The following PCDHGB5 variants were observed in gnomAD, a reference collection of about 807,000 sequenced individuals.
The protein encoded by PCDHGB5 is protocadherin gamma subfamily B, 5, also known as protocadherin gamma-B5.
Under a neutral mutation model 62.9 loss-of-function variants are expected in PCDHGB5, and 48 were observed. That is an observed-to-expected ratio of 0.76 (90% CI 0.61 to 0.97). The LOEUF is 0.97. Among genes scored for constraint, PCDHGB5 ranks in the 50% least tolerant of loss-of-function variants. The pLI is 0.00. For missense variants in PCDHGB5, 1,118 were observed against 1,198.6 expected, an observed-to-expected ratio of 0.93 and a Z score of 0.99; for synonymous variants, 474 against 511.2, an observed-to-expected ratio of 0.93 and a Z score of 0.98.
intron 1 of PCDHGB5, chr5:141,421,662 G>C: frequency 5.6e-6 from 9 of 1,613,844 alleles, no homozygotes; most frequent in Non-Finnish European, 7.6e-6. Context: ...AAGTCAGTGA[G>C]CACGCAATTC....
At chr5:141,446,508 G>A (rs932199756) in intron 1 of PCDHGB5, among the ~76,000 whole-genome samples, 4 of 151,356 alleles carry the variant, frequency 2.6e-5, no homozygotes, top group Non-Finnish European at 5.9e-5. Flanking sequence ...ATGGAGTCTC[G>A]CTCTGTCACC....
intron 1 of PCDHGB5, chr5:141,427,241 T>C (rs1381559575): frequency 4.4e-6 from 2 of 456,696 alleles, no homozygotes; most frequent in Admixed American, 2.3e-5. Flanking sequence ...GAGTAGAAGC[T>C]AAGGATGGTG....
chr5:141,435,906 A>C (rs1246100275), intron 1 of PCDHGB5, among the ~76,000 whole-genome samples: 1 of 152,182 alleles, frequency 6.6e-6, no homozygotes, highest in African/African-American at 2.4e-5. Context: ...AAAGACATCC[A>C]AGGGCTCTAA....
At chr5:141,423,192 C>T in intron 1 of PCDHGB5, 2 of 1,613,622 alleles carry the variant, frequency 1.2e-6, no homozygotes, top group African/African-American at 2.7e-5. Context: ...AGCCCCCTCT[C>T]TCGGCCACCG....
chr5:141,489,660 G>A lies in PCDHGB5; in HGVS notation c.2398-5147G>A, dbSNP rs763985085. 3 of 1,614,096 alleles carry A rather than the reference G, an allele frequency of 1.9e-6. No individual in the cohort carries two copies. Among genetic ancestry groups the A allele is most frequent in the Non-Finnish European group, 2.5e-6 (3 of 1,180,036 alleles). On this transcript the variant is annotated intron_variant, in intron 1 of 3. Coordinates refer to ENST00000617380, the MANE Select transcript of PCDHGB5 (RefSeq NM_018925.3). The surrounding 1 kb of genome is among the most constrained non-coding windows in gnomAD (Gnocchi z 4.5). Reference sequence around the variant, plus strand: ...GCTTTGCCACCCCTGAGCGAGAGATGCGCATCTCAGAATCAGCAGCATCTG... The same window carrying A: ...GCTTTGCCACCCCTGAGCGAGAGATACGCATCTCAGAATCAGCAGCATCTG...
intron 1 of PCDHGB5, among the ~76,000 whole-genome samples, chr5:141,451,804 C>G (rs914303400): frequency 9.2e-5 from 14 of 151,946 alleles, no homozygotes; most frequent in African/African-American, 3.4e-4. Context: ...TTGCTTGAAC[C>G]CAGGAGGCGG....
chr5:141,421,446 A>G, intron 1 of PCDHGB5: 1 of 1,614,106 alleles, frequency 6.2e-7, no homozygotes, highest in Non-Finnish European at 8.5e-7. Flanking sequence ...GAGGGAAGAC[A>G]CAGCTTTTCG....
Position 141,408,360 on chromosome 5 carries a change from A to G in PCDHGB5, c.2397+7836A>G, listed in dbSNP as rs373951875. 2.4e-5 allele frequency: 38 copies of G among 1,613,808 alleles called. No homozygotes were observed. In the African/African-American group the frequency reaches 3.7e-4, roughly 16 times the overall value. ...TCGGTGGTGGGGAACCTCGCTAAGG[A>G]TCTAGGGCTCAGTGTCCTGGATGTG... On this transcript the variant is annotated intron_variant, in intron 1 of 3. Coordinates refer to ENST00000617380, the MANE Select transcript of PCDHGB5 (RefSeq NM_018925.3).
chr5:141,491,450 C>G lies in PCDHGB5; in HGVS notation c.2398-3357C>G. ...CAGTGCTGCAGGCGCCAGGACTCAC[C>G]CTCCCCGGACTTCTATAAGCAGTCC... On this transcript the variant is annotated intron_variant, in intron 1 of 3. Transcript: ENST00000617380. The surrounding 1 kb of genome is among the most constrained non-coding windows in gnomAD (Gnocchi z 6.9). The G allele has an allele frequency of 1.2e-6, 2 of 1,614,110 alleles. No homozygotes were observed. Among genetic ancestry groups the G allele is most frequent in the Non-Finnish European group, 1.7e-6 (2 of 1,180,044 alleles).
At chr5:141,405,227 C>A (rs562247940) in intron 1 of PCDHGB5, 1 of 1,614,114 alleles carries the variant, frequency 6.2e-7, no homozygotes. Context: ...GGAGTTCTCC[C>A]TCACCGCTGA....
chr5:141,408,773 T>C, intron 1 of PCDHGB5: 1 of 1,611,652 alleles, frequency 6.2e-7, no homozygotes, highest in Non-Finnish European at 8.5e-7. Flanking sequence ...TGGTGGCAAA[T>C]ACCCAGAGTT....
intron 3 of PCDHGB5, among the ~76,000 whole-genome samples, chr5:141,509,277 T>TC (rs566266970): frequency 0.011 from 1,653 of 152,240 alleles, 22 homozygotes; most frequent in Non-Finnish European, 0.018. Context: ...CGCTACCCGC[T>TC]CCCAGGGTCC....
intron 3 of PCDHGB5, among the ~76,000 whole-genome samples, chr5:141,508,649 C>T (rs1303066200): frequency 6.6e-6 from 1 of 152,126 alleles, no homozygotes; most frequent in Non-Finnish European, 1.5e-5. Flanking sequence ...CCGTCAGGCC[C>T]TTCCTGTCAT....
Position 141,511,983 on chromosome 5 carries a change from G to C in PCDHGB5, c.*810G>C, listed in dbSNP as rs904146751. On this transcript the variant is annotated 3_prime_UTR_variant, in exon 4 of 4. Coordinates refer to ENST00000617380, the MANE Select transcript of PCDHGB5 (RefSeq NM_018925.3). ...AGGGAAGTGTGTGGATGTGGATGGT[G>C]GGGGCATGGACAAAGCTTGACACAT... 6.5e-6 allele frequency: 1 copy of C among 153,280 alleles called. No individual in the cohort carries two copies. The allele number at this position is 153,280 out of a possible 1,614,324, so 9.5% of individuals were successfully genotyped here.
chr5:141,493,021 G>C lies in PCDHGB5; in HGVS notation c.2398-1786G>C, dbSNP rs1261539371. On this transcript the variant is annotated intron_variant, in intron 1 of 3. Transcript: ENST00000617380. This position sits in a 1 kb window ranked among gnomAD's most constrained non-coding sequence, Gnocchi z 4.3. ...AGCTATAGGCTCTGCCAGATGCCAG[G>C]GTGCCCTTATGTGTGAGGAAACTAC... Among the ~76,000 whole-genome samples, 1 of 152,180 alleles carries C rather than the reference G, an allele frequency of 6.6e-6. No individual in the cohort carries two copies. The highest frequency in any genetic ancestry group is 6.5e-5 in the Admixed American group (1 of 15,284).
rs765751691 is a variant in PCDHGB5 at position 141,431,363 on chromosome 5, C to G, written c.2397+30839C>G. The G allele has an allele frequency of 6.2e-7, 1 of 1,614,024 alleles. No individual in the cohort carries two copies. The highest frequency in any genetic ancestry group is 2.2e-5 in the East Asian group (1 of 44,882). ...ATTGGTGCTGAAACGCGCCCTGGAC[C>G]GCGAAGAAAAGGCTGCTCACCACCT... is the stretch of plus-strand genomic sequence containing the variant. On this transcript the variant is annotated intron_variant, in intron 1 of 3. Transcript: ENST00000617380. This position sits in a 1 kb window ranked among gnomAD's most constrained non-coding sequence, Gnocchi z 4.8.
intron 1 of PCDHGB5, chr5:141,484,931 A>T: frequency 4.0e-6 from 2 of 498,120 alleles, no homozygotes; most frequent in South Asian, 5.3e-5. Context: ...TGCTGTTGGG[A>T]CGTTCTCTGC....
intron 1 of PCDHGB5, chr5:141,422,778 C>T (rs1041081332): frequency 1.9e-6 from 3 of 1,613,932 alleles, no homozygotes; most frequent in Admixed American, 1.7e-5. Flanking sequence ...TTCTCTATGC[C>T]CTACAATCCT....
intron 2 of PCDHGB5, among the ~76,000 whole-genome samples, chr5:141,502,107 C>T (rs1292131951): frequency 6.6e-6 from 1 of 152,192 alleles, no homozygotes; most frequent in East Asian, 1.9e-4. Context: ...TGACCCTGCA[C>T]CCTCAGCCAG....
Sources: gnomAD v4.1 joint callset for allele counts (sites outside exome capture counted in the v4.1 genomes callset) on GRCh38, gnomAD v4.1.1 for gene constraint, Gnocchi (gnomAD v3.1) non-coding constraint, MANE v1.5 for transcripts, NCBI Gene and HGNC (gene_info 2026-07-23, HGNC 2026-07-21) for gene names.